The following ZNF296 variants were observed in gnomAD, a reference collection of about 807,000 sequenced individuals.
ZNF296 encodes the protein zinc finger protein 296, also known as zinc finger protein 342.
A neutral mutation model predicts 13.2 loss-of-function variants in ZNF296; 1 was observed. That is an observed-to-expected ratio of 0.08 (90% confidence interval 0.03 to 0.36). The LOEUF is 0.36. Among genes scored for constraint, ZNF296 ranks in the 10% least tolerant of loss-of-function variants. The pLI, the probability that ZNF296 is intolerant of heterozygous loss-of-function variation, is 0.99. For synonymous variants in ZNF296, 303 were observed against 289.0 expected (o/e 1.05, Z -0.49); for missense variants, 555 against 688.2 (o/e 0.81, Z 2.16).
chr19:45,075,680 C>T (rs1437502384), intron 2 of ZNF296, 33 bp downstream of exon 2: 1 of 1,606,772 alleles, frequency 6.2e-7, no homozygotes. Context: ...AGCCCTCGAA[C>T]TTGAGAGGGG....
chr19:45,072,264 G>C lies in ZNF296; in HGVS notation c.765C>G (p.Gly255=), dbSNP rs143872992. The C allele has an allele frequency of 5.0e-6, 8 of 1,613,522 alleles. No individual in the cohort carries two copies. The South Asian group carries it at 7.7e-5, about 16-fold the overall frequency. The change falls in exon 3 of 3, where the codon GGC becomes GGG. Residue 255 remains glycine, a synonymous_variant. Transcript: ENST00000303809. ...ACTGGTCGCAAGCATAGGGCCGCTC[G>C]CCTGTGTGTGAGCGCATGTGCACTT... ...NLKVHMRSHT[G]ERPYACDQCP...
Position 45,072,409 on chromosome 19 carries a change from G to A in ZNF296, c.620C>T (p.Ser207Leu), listed in dbSNP as rs368845008. The A allele has an allele frequency of 1.1e-4, 173 of 1,612,424 alleles. No homozygotes were observed. Among genetic ancestry groups the A allele is most frequent in the Non-Finnish European group, 1.3e-4 (153 of 1,179,724 alleles). ...CTCAGCTGCTGGCCCCACCACTGCC[G>A]ACACGGCTGCAGCCACCTCGGCCAG... Reference protein sequence around the residue: ...LGLAEVAAAVSAVVGPAAEAK... With the variant: ...LGLAEVAAAVLAVVGPAAEAK... The change falls in exon 3 of 3, where the codon TCG becomes TTG. Residue 207 changes from serine (S) to leucine (L), a missense_variant. Ser to Leu is a moderately radical substitution (Grantham distance 145). This residue lies in a region of ZNF296 where 410 missense variants were observed against 548.0 expected (regional missense o/e 0.75). Coordinates refer to ENST00000303809, the MANE Select transcript of ZNF296 (RefSeq NM_145288.3).
chr19:45,075,330 C>T (rs559335425), intron 2 of ZNF296, among the ~76,000 whole-genome samples: 3 of 152,338 alleles, frequency 2.0e-5, no homozygotes, highest in South Asian at 2.1e-4. Flanking sequence ...CCCCTCCCCC[C>T]GGCCGCTGCC....
At chr19:45,075,598 T>G in intron 2 of ZNF296, 115 bp downstream of exon 2, 3 of 1,121,228 alleles carry the variant, frequency 2.7e-6, no homozygotes, top group Non-Finnish European at 2.4e-6. Flanking sequence ...CTGCACCCGA[T>G]GGGGAGCGAG....
chr19:45,075,951 G>A, intron 1 of ZNF296, 89 bp from the exon 2 acceptor site: 2 of 1,589,280 alleles, frequency 1.3e-6, no homozygotes, highest in Admixed American at 3.5e-5. Flanking sequence ...AAGGTCAGAA[G>A]GGGGCCTGAG....
Position 45,071,970 on chromosome 19 carries a change from TCC to T in ZNF296, c.1057_1058del (p.Gly353SerfsTer9). 6.2e-7 allele frequency: 1 copy of T among 1,613,568 alleles called. No individual in the cohort carries two copies. On this transcript the variant is annotated frameshift_variant, in exon 3 of 3. Transcript: ENST00000303809. LOFTEE classifies it low-confidence loss of function (END_TRUNC). ...AQAGPGGDTW[G>X]AITTEQRTDP... ...CAGTTCTTTGTTCCGTGGTGATGGC[TCC>T]CCAAGTGTCTCCACCAGGGCCGGCT...
At position 45,072,423 on chromosome 19, in the gene ZNF296, C is replaced by T. The variant is rs754399834; in HGVS notation, c.606G>A (p.Val202=). The change falls in exon 3 of 3, where the codon GTG becomes GTA. Residue 202 remains valine (V), a synonymous_variant. Transcript: ENST00000303809. Reference sequence around the variant, plus strand: ...CCACCACTGCCGACACGGCTGCAGCCACCTCGGCCAGGCCCAGGAGCGGGG... The same window carrying T: ...CCACCACTGCCGACACGGCTGCAGCTACCTCGGCCAGGCCCAGGAGCGGGG... ...PEAPLLGLAE[V]AAAVSAVVGP... 3 of 1,612,742 alleles carry T rather than the reference C, an allele frequency of 1.9e-6. No homozygotes were observed. The East Asian group carries it at 6.7e-5, about 36-fold the overall frequency.
Position 45,071,628 on chromosome 19 carries a change from C to T in ZNF296, c.1401G>A (p.Lys467=), listed in dbSNP as rs756214924. ...AGGCCTCGCCGGCCGCCTCAGGGTG[C>T]TTCTGCCGCAGGTGTTTGTCCAGGG... ...RATLDKHLRQ[K]HPEAAGEA The change falls in exon 3 of 3, where the codon AAG becomes AAA. Residue 467 remains lysine (K), a synonymous_variant. Coordinates refer to ENST00000303809, the MANE Select transcript of ZNF296 (RefSeq NM_145288.3). 2.6e-6 allele frequency: 4 copies of T among 1,526,796 alleles called. No homozygotes were observed. Among genetic ancestry groups the T allele is most frequent in the Non-Finnish European group, 8.8e-7 (1 of 1,142,276 alleles). The allele number at this position is 1,526,796 out of a possible 1,614,324, so 94.6% of individuals were successfully genotyped here. A position where few individuals can be genotyped will look rare whatever the true frequency, so the allele number is the denominator to read the frequency against.
At chr19:45,075,986 A>T in intron 1 of ZNF296, 90 bp downstream of exon 1, 3 of 1,570,776 alleles carry the variant, frequency 1.9e-6, no homozygotes, top group Non-Finnish European at 2.6e-6. Flanking sequence ...GAAGGAGATA[A>T]GGCAGGGCGA....
chr19:45,072,646 G>A, intron 2 of ZNF296, 66 bp from the exon 3 acceptor site: 1 of 1,518,370 alleles, frequency 6.6e-7, no homozygotes, highest in African/African-American at 1.4e-5. Flanking sequence ...CTGTGGGATA[G>A]GCACTCCTGC....
At chr19:45,074,316 G>A (rs1411624328) in intron 2 of ZNF296, among the ~76,000 whole-genome samples, 3 of 150,362 alleles carry the variant, frequency 2.0e-5, no homozygotes, top group Admixed American at 2.0e-4. Context: ...AGCTGAGATT[G>A]CACCACAGCA....
intron 2 of ZNF296, 98 bp from the exon 3 acceptor site, chr19:45,072,678 A>C: frequency 7.1e-7 from 1 of 1,413,940 alleles, no homozygotes; most frequent in Non-Finnish European, 9.5e-7. Context: ...ACTTGGCAGT[A>C]ACAAGACACA....
In ZNF296 at chr19:45,071,928, C is replaced by T; in HGVS notation, c.1101G>A (p.Gln367=). The part of the protein sequence containing the change: ...TEQRTDPANS[Q]KASPKKMPKS... ...TGGGCATCTTTTTGGGTGATGCCTT[C>T]TGGCTGTTTGCAGGGTCAGTTCTTT... The change falls in exon 3 of 3, where the codon CAG becomes CAA. Residue 367 remains glutamine (Q), a synonymous_variant. Transcript: ENST00000303809. 5 of 1,613,728 alleles carry T rather than the reference C, an allele frequency of 3.1e-6. No homozygotes were observed. The highest frequency in any genetic ancestry group is 4.2e-6 in the Non-Finnish European group (5 of 1,180,026).
At chr19:45,075,980 G>C (rs1156814807) in intron 1 of ZNF296, 96 bp downstream of exon 1, 8 of 1,575,690 alleles carry the variant, frequency 5.1e-6, no homozygotes, top group Non-Finnish European at 6.9e-6. Context: ...CGGGGCGAAG[G>C]AGATAAGGCA....
At position 45,071,584 on chromosome 19, in the gene ZNF296, G is replaced by A. The variant is rs755708801; in HGVS notation, c.*17C>T. On this transcript the variant is annotated 3_prime_UTR_variant, in exon 3 of 3. Transcript: ENST00000303809. ...TTGGCAGCGGTACCAGGGACAGTGA[G>A]GGGGGCTTTCCTGGGCTCAGGCCTC... 4.0e-6 allele frequency: 6 copies of A among 1,506,092 alleles called. No individual in the cohort carries two copies. The highest frequency in any genetic ancestry group is 4.4e-6 in the Non-Finnish European group (5 of 1,136,646). 93.3% of individuals were successfully genotyped at this position (1,506,092 alleles called of 1,614,324 possible).
At chr19:45,075,626 C>T in intron 2 of ZNF296, 87 bp downstream of exon 2, 2 of 1,494,858 alleles carry the variant, frequency 1.3e-6, no homozygotes, top group African/African-American at 1.4e-5. Flanking sequence ...AAGTAGTGCT[C>T]AGTGCCCTGC....
rs1247565403 is a variant in ZNF296 at position 45,072,333 on chromosome 19, G to T, written c.696C>A (p.Thr232=). The change falls in exon 3 of 3, where the codon ACC becomes ACA. Residue 232 remains threonine (T), a synonymous_variant. Coordinates refer to ENST00000303809, the MANE Select transcript of ZNF296 (RefSeq NM_145288.3). ...SGSGLTRRSP[T]CPVCKKTLSS... ...TGAGGGTCTTCTTGCACACAGGACAGGTGGGGCTCCGCCGGGTGAGGCCGC... is the reference window on the plus strand; with the variant it reads ...TGAGGGTCTTCTTGCACACAGGACATGTGGGGCTCCGCCGGGTGAGGCCGC... 3 of 1,612,946 alleles carry T rather than the reference G, an allele frequency of 1.9e-6. No individual in the cohort carries two copies. The highest frequency in any genetic ancestry group is 2.5e-6 in the Non-Finnish European group (3 of 1,179,920).
In ZNF296 at chr19:45,076,065, G is replaced by GGGGTGCCC. The variant is rs1568426946; in HGVS notation, c.298+10_298+11insGGGCACCC. ...GTAAGGGAGGCTGGGCCCAGGGCCC[G>GGGGTGCCC]GGGTGCTCACCGGGATAGTTCGGGG... On this transcript the variant is annotated intron_variant, in intron 1 of 2. Coordinates refer to ENST00000303809, the MANE Select transcript of ZNF296 (RefSeq NM_145288.3). This position sits in a 1 kb window ranked among gnomAD's most constrained non-coding sequence, Gnocchi z 4.9. 1 of 1,580,200 alleles carries GGGGTGCCC rather than the reference G, an allele frequency of 6.3e-7. No individual in the cohort carries two copies. The highest frequency in any genetic ancestry group is 2.0e-5 in the Admixed American group (1 of 50,288).
chr19:45,075,631 C>T (rs1316014793), intron 2 of ZNF296, 82 bp downstream of exon 2: 2 of 1,529,040 alleles, frequency 1.3e-6, no homozygotes, highest in Non-Finnish European at 1.8e-6. Flanking sequence ...GTGCTCAGTG[C>T]CCTGCCGTCC....
Sources: gnomAD v4.1 joint callset for allele counts (sites outside exome capture counted in the v4.1 genomes callset) on GRCh38, gnomAD v4.1.1 for gene constraint, gnomAD v4.1.1 regional missense constraint, Gnocchi (gnomAD v3.1) non-coding constraint, MANE v1.5 for transcripts, NCBI Gene and HGNC (gene_info 2026-07-23, HGNC 2026-07-21) for gene names.